LEPROTL1: variants seen among roughly 807,000 people sequenced by gnomAD.
LEPROTL1 encodes leptin receptor overlapping transcript-like 1.
In LEPROTL1, 6 loss-of-function variants were observed where a neutral mutation model predicts 15.4. The ratio of observed to expected loss-of-function variants is 0.39; its 90% CI spans 0.21 to 0.77. The LOEUF (loss-of-function observed/expected upper bound fraction) is 0.77, where lower values mean the gene tolerates loss of function less well. LEPROTL1 is among the 30% of genes least tolerant of loss of function. The pLI is 0.41. For missense variants in LEPROTL1, 128 were observed against 158.1 expected (o/e 0.81, Z 1.02); for synonymous variants, 56 against 52.6 (o/e 1.06, Z -0.28).
chr8:30,123,223 T>C (rs1467084756), intron 3 of LEPROTL1, among the ~76,000 whole-genome samples: 1 of 152,248 alleles, frequency 6.6e-6, no homozygotes, highest in Non-Finnish European at 1.5e-5. Flanking sequence ...GGATATTTTA[T>C]GACCTACCTT....
At chr8:30,129,642 T>G (rs1246958256) in intron 3 of LEPROTL1, among the ~76,000 whole-genome samples, 2 of 149,090 alleles carry the variant, frequency 1.3e-5, no homozygotes, top group Admixed American at 6.7e-5. Flanking sequence ...GAGGCAGAGG[T>G]TGCAATGAGC....
At chr8:30,130,139 G>A (rs1332027230) in intron 3 of LEPROTL1, among the ~76,000 whole-genome samples, 1 of 152,114 alleles carries the variant, frequency 6.6e-6, no homozygotes, top group Non-Finnish European at 1.5e-5. Context: ...ATGATGAGAA[G>A]GATTGGTTTG....
chr8:30,135,771 C>T (rs993848862), intron 4 of LEPROTL1, among the ~76,000 whole-genome samples: 1 of 151,452 alleles, frequency 6.6e-6, no homozygotes, highest in Non-Finnish European at 1.5e-5. Flanking sequence ...AAAATTAGCC[C>T]GATGTGGTGG....
chr8:30,113,311 CA>C (rs1357307696), downstream of LEPROTL1, among the ~76,000 whole-genome samples: 1 of 151,886 alleles, frequency 6.6e-6, no homozygotes, highest in African/African-American at 2.4e-5. Context: ...AATACATGGG[CA>C]AAGTTAAAAC....
intron 2 of LEPROTL1, among the ~76,000 whole-genome samples, chr8:30,103,183 G>A (rs957904677): frequency 6.6e-6 from 1 of 152,130 alleles, no homozygotes; most frequent in African/African-American, 2.4e-5. Context: ...ATCTTTTAAT[G>A]GAAATACTAG....
At chr8:30,132,288 G>A (rs1380703621) in intron 3 of LEPROTL1, 2 of 1,551,790 alleles carry the variant, frequency 1.3e-6, no homozygotes, top group Non-Finnish European at 1.7e-6. Flanking sequence ...AAGCCCTGCT[G>A]TGCTGGAATA....
chr8:30,112,236 T>A (rs1250266641), downstream of LEPROTL1, among the ~76,000 whole-genome samples: 1 of 151,796 alleles, frequency 6.6e-6, no homozygotes, highest in Admixed American at 6.6e-5. Context: ...TTTGTAACCA[T>A]TTTTCTTTTC....
chr8:30,126,227 G>A lies in LEPROTL1; in HGVS notation c.280-6148G>A, dbSNP rs551486042. Among the ~76,000 whole-genome samples the A allele has an allele frequency of 3.9e-5, 6 of 152,090 alleles. No homozygotes were observed. In the South Asian group the frequency reaches 6.2e-4, roughly 16 times the overall value. On this transcript the variant is annotated intron_variant, in intron 3 of 4. Transcript: ENST00000442880. ...GAGTCAGAGACCCCTAGATTATACC[G>A]TATAGCCTAGGTATGTAGTAGGCTA...
At chr8:30,124,663 A>G (rs1585476581) in intron 3 of LEPROTL1, among the ~76,000 whole-genome samples, 1 of 152,338 alleles carries the variant, frequency 6.6e-6, no homozygotes, top group Admixed American at 6.5e-5. Context: ...AAGTCCATAT[A>G]TAGTTCATAA....
At chr8:30,109,307 C>A (rs1802620600), downstream of LEPROTL1, among the ~76,000 whole-genome samples, 1 of 152,106 alleles carries the variant, frequency 6.6e-6, no homozygotes, top group Non-Finnish European at 1.5e-5. Flanking sequence ...ATTGCCCTTT[C>A]TTTCAGTGAA....
At chr8:30,136,474 C>G (rs1316323766) in intron 4 of LEPROTL1, among the ~76,000 whole-genome samples, 1 of 152,194 alleles carries the variant, frequency 6.6e-6, no homozygotes, top group Non-Finnish European at 1.5e-5. Flanking sequence ...GCCACCCAGT[C>G]TGTGGCACTG....
chr8:30,108,845 C>T (rs1389292012), downstream of LEPROTL1, among the ~76,000 whole-genome samples: 1 of 152,188 alleles, frequency 6.6e-6, no homozygotes, highest in Non-Finnish European at 1.5e-5. Context: ...CCACACTGGT[C>T]TCAAACTCCT....
intron 3 of LEPROTL1, among the ~76,000 whole-genome samples, chr8:30,131,094 CA>C (rs767886829): frequency 1.5e-4 from 23 of 151,468 alleles, no homozygotes; most frequent in South Asian, 4.2e-4. Context: ...ACGCCCGGCC[CA>C]AAAAATTTTT....
chr8:30,108,426 A>G lies in LEPROTL1; in HGVS notation c.*2564A>G, dbSNP rs1802606059. 6.6e-6 allele frequency: 1 copy of G among 152,184 alleles called. No individual in the cohort carries two copies. The highest frequency in any genetic ancestry group is 2.1e-4 in the South Asian group (1 of 4,832). 9.4% of individuals were successfully genotyped at this position (152,184 alleles called of 1,614,324 possible). ...GACTTCTTATTATGTATTTATTACC[A>G]CTCATTATTATAGCATGTTACTTTT... On this transcript the variant is annotated 3_prime_UTR_variant, in exon 4 of 4. Transcript: ENST00000321250.
chr8:30,100,472 T>C (rs1802447591), intron 1 of LEPROTL1, among the ~76,000 whole-genome samples: 1 of 152,220 alleles, frequency 6.6e-6, no homozygotes, highest in African/African-American at 2.4e-5. Context: ...TTTTTTGAGA[T>C]GGAGTCTTGC....
At chr8:30,123,153 G>A (rs913369003) in intron 3 of LEPROTL1, among the ~76,000 whole-genome samples, 2 of 152,130 alleles carry the variant, frequency 1.3e-5, no homozygotes, top group Non-Finnish European at 2.9e-5. Context: ...TGGCAATGTG[G>A]CTTTCTTACA....
downstream of LEPROTL1, among the ~76,000 whole-genome samples, chr8:30,108,915 C>T (rs1448577248): frequency 6.6e-6 from 1 of 152,046 alleles, no homozygotes; most frequent in African/African-American, 2.4e-5. Flanking sequence ...TAGGCCTGCA[C>T]CACCACGCCT....
rs140516761 is a variant in LEPROTL1 at position 30,125,871 on chromosome 8, T to C, written c.280-6504T>C. ...TAAAGTAGTCACGGCCATTTTACTC[T>C]ATAATTTCCTTTGAAATGTTTCGGA... On this transcript the variant is annotated intron_variant, in intron 3 of 4. Coordinates refer to the LEPROTL1 transcript ENST00000442880. Among the ~76,000 whole-genome samples, 6 of 152,344 alleles carry C rather than the reference T, an allele frequency of 3.9e-5. No homozygotes were observed. In the East Asian group the frequency reaches 1.2e-3, roughly 29 times the overall value.
chr8:30,096,426 CTT>C, intron 1 of LEPROTL1: 4 of 983,516 alleles, frequency 4.1e-6, no homozygotes, highest in Non-Finnish European at 4.8e-6. Context: ...AAGCAGGTAA[CTT>C]TGGGAGCAGT....
Sources: allele counts gnomAD v4.1 joint callset (sites outside exome capture counted in the v4.1 genomes callset), GRCh38; gene constraint gnomAD v4.1.1; transcripts MANE v1.5; gene names NCBI Gene and HGNC (gene_info 2026-07-23, HGNC 2026-07-21).